PIAS4: variants seen among roughly 807,000 people sequenced by gnomAD.
PIAS4 encodes protein inhibitor of activated STAT 4.
A neutral mutation model predicts 58.0 loss-of-function variants in PIAS4; 7 were observed. The ratio of observed to expected loss-of-function variants is 0.12; its 90% CI spans 0.07 to 0.23. The LOEUF (loss-of-function observed/expected upper bound fraction) is 0.23. PIAS4 is among the 10% of genes least tolerant of loss of function. The pLI is 1.00. For missense variants in PIAS4, 550 were observed against 709.5 expected (o/e 0.78, Z 2.55); for synonymous variants, 364 against 312.4 (o/e 1.17, Z -1.74).
Position 4,036,677 on chromosome 19 carries a change from C to T in PIAS4, c.1143-697C>T, listed in dbSNP as rs555646751. On this transcript the variant is annotated intron_variant, in intron 9 of 10. Transcript: ENST00000262971. ...ACACACACATCTATACAGTCCACAC[C>T]GTCACACATCCATATAGTCCACACC... Among the ~76,000 whole-genome samples, 19 of 138,642 alleles carry T rather than the reference C, an allele frequency of 1.4e-4. No homozygotes were observed. In the East Asian group the frequency reaches 2.2e-3, roughly 16 times the overall value. The allele number at this position is 138,642 out of a possible 152,430, so 91.0% of individuals were successfully genotyped here.
chr19:4,021,256 G>A (rs1323771598), intron 2 of PIAS4, among the ~76,000 whole-genome samples: 19 of 151,884 alleles, frequency 1.3e-4, no homozygotes, highest in Admixed American at 1.2e-3. Context: ...GGGTTTAAGC[G>A]ATTCTCCTCA....
At chr19:4,024,807 C>CTTT (rs2040146107) in intron 3 of PIAS4, among the ~76,000 whole-genome samples, 1 of 151,676 alleles carries the variant, frequency 6.6e-6, no homozygotes, top group East Asian at 1.9e-4. Flanking sequence ...ATCCAGGCTT[C>CTTT]CAGGCTGGAG....
Position 4,037,011 on chromosome 19 carries a change from CCA to C in PIAS4, c.1143-357_1143-356del, listed in dbSNP as rs762420096. Among the ~76,000 whole-genome samples, 9 of 152,236 alleles carry C rather than the reference CCA, an allele frequency of 5.9e-5. No homozygotes were observed. The highest frequency in any genetic ancestry group is 1.4e-4 in the African/African-American group (6 of 41,468). On this transcript the variant is annotated intron_variant, in intron 9 of 10. Transcript: ENST00000262971. The surrounding 1 kb of genome is among the most constrained non-coding windows in gnomAD (Gnocchi z 5.8). ...CACACATGCACAGATACACTCACGT[CCA>C]CACACGCTCAAACATGCGTGCACAC...
chr19:4,028,984 G>C lies in PIAS4; in HGVS notation c.855G>C (p.Leu285=). The change falls in exon 7 of 11, where the codon CTG becomes CTC. Residue 285 remains leucine, a synonymous_variant. Transcript: ENST00000262971. ...LVRQLTSSEL[L]QRLKTIGVKH... ...GGCAGCTGACCTCATCGGAGCTGCT[G>C]CAGAGGCTGAAGACCATTGGGGTAA... 6.2e-7 allele frequency: 1 copy of C among 1,610,992 alleles called. No homozygotes were observed. The highest frequency in any genetic ancestry group is 8.5e-7 in the Non-Finnish European group (1 of 1,179,188).
rs1369763321 is a variant in PIAS4, at chr19:4,024,123, G to C, written c.539+3G>C. 6.2e-7 allele frequency: 1 copy of C among 1,608,474 alleles called. No individual in the cohort carries two copies. Among genetic ancestry groups the C allele is most frequent in the Admixed American group, 1.7e-5 (1 of 60,014 alleles). ...GTGGAGTTGATCCGGAACTCCAGGTGTGCGGCACCTCCCCCAGCCCAGCAC... is the reference window on the plus strand; with the variant it reads ...GTGGAGTTGATCCGGAACTCCAGGTCTGCGGCACCTCCCCCAGCCCAGCAC... On this transcript the variant is annotated splice_donor_region_variant and intron_variant, in intron 3 of 10. Transcript: ENST00000262971.
chr19:4,036,084 C>T (rs1260157276), intron 9 of PIAS4, among the ~76,000 whole-genome samples: 1 of 138,954 alleles, frequency 7.2e-6, no homozygotes. Flanking sequence ...CACATCCGTA[C>T]AGTCCACACC....
At position 4,038,050 on chromosome 19, in the gene PIAS4, TAAA is replaced by T; in HGVS notation, c.*183_*185del. On this transcript the variant is annotated 3_prime_UTR_variant, in exon 11 of 11. Coordinates refer to ENST00000262971, the MANE Select transcript of PIAS4 (RefSeq NM_015897.4). This position sits in a 1 kb window ranked among gnomAD's most constrained non-coding sequence, Gnocchi z 4.1. Reference sequence around the variant, plus strand: ...CCTCTGGACTCTCCTATCGGGGGATTAAAAAAAAAAGTAAAATGACAAAAAAAG... The same window carrying T: ...CCTCTGGACTCTCCTATCGGGGGATTAAAAAAAGTAAAATGACAAAAAAAG... 1 of 433,926 alleles carries T rather than the reference TAAA, an allele frequency of 2.3e-6. No homozygotes were observed. Among genetic ancestry groups the T allele is most frequent in the Non-Finnish European group, 3.9e-6 (1 of 257,828 alleles). 26.9% of individuals were successfully genotyped at this position (433,926 alleles called of 1,614,324 possible). A position where few individuals can be genotyped will look rare whatever the true frequency, so the allele number is the denominator to read the frequency against.
At chr19:4,030,720 G>A (rs914166139) in intron 7 of PIAS4, among the ~76,000 whole-genome samples, 28 of 152,280 alleles carry the variant, frequency 1.8e-4, no homozygotes, top group Admixed American at 7.2e-4. Context: ...CCTGCCTGGC[G>A]GCTGTGTGGC....
chr19:4,023,286 C>T (rs2040129132), intron 2 of PIAS4, among the ~76,000 whole-genome samples: 1 of 152,052 alleles, frequency 6.6e-6, no homozygotes, highest in African/African-American at 2.4e-5. Context: ...CGAAACCAGC[C>T]TGGCCAACAT....
chr19:4,037,519 C>G lies in PIAS4; in HGVS notation c.1273+15C>G. The G allele has an allele frequency of 6.2e-7, 1 of 1,609,206 alleles. No homozygotes were observed. The highest frequency in any genetic ancestry group is 8.5e-7 in the Non-Finnish European group (1 of 1,179,522). On this transcript the variant is annotated intron_variant, in intron 10 of 10. Coordinates refer to ENST00000262971, the MANE Select transcript of PIAS4 (RefSeq NM_015897.4). The surrounding 1 kb of genome is among the most constrained non-coding windows in gnomAD (Gnocchi z 5.8). ...CCTCGTGCTGGGTGAGTGCCTCACC[C>G]CACCAGCCGCGCAGTCCGCAGCCAG...
chr19:4,037,568 T>C lies in PIAS4; in HGVS notation c.1274-48T>C. 2 of 1,607,510 alleles carry C rather than the reference T, an allele frequency of 1.2e-6. No individual in the cohort carries two copies. The highest frequency in any genetic ancestry group is 1.7e-6 in the Non-Finnish European group (2 of 1,179,720). On this transcript the variant is annotated intron_variant, in intron 10 of 10. Transcript: ENST00000262971. The surrounding 1 kb of genome is among the most constrained non-coding windows in gnomAD (Gnocchi z 5.8). ...AGGGCCGCCTCAGTTTCCCCATTTATCAGTGGTTGCATCCTAAGTACCTGC... is the reference window on the plus strand; with the variant it reads ...AGGGCCGCCTCAGTTTCCCCATTTACCAGTGGTTGCATCCTAAGTACCTGC...
In PIAS4 at chr19:4,038,771, C is replaced by T. The variant is rs1014757062; in HGVS notation, c.*896C>T. On this transcript the variant is annotated 3_prime_UTR_variant, in exon 11 of 11. Transcript: ENST00000262971. This position sits in a 1 kb window ranked among gnomAD's most constrained non-coding sequence, Gnocchi z 4.1. ...CGGTCCTTGGGGCATGGGTTGCGGT[C>T]GCTTCCCAAGGGGCAGCAGGGACCC... 1 of 154,380 alleles carries T rather than the reference C, an allele frequency of 6.5e-6. No homozygotes were observed. 9.6% of individuals were successfully genotyped at this position (154,380 alleles called of 1,614,324 possible).
chr19:4,025,581 C>T (rs2040154969), intron 3 of PIAS4, among the ~76,000 whole-genome samples: 1 of 152,232 alleles, frequency 6.6e-6, no homozygotes, highest in Non-Finnish European at 1.5e-5. Context: ...GGCCTCCCAG[C>T]CTGGCCCTCA....
chr19:4,029,208 G>A (rs1017557107), intron 7 of PIAS4, among the ~76,000 whole-genome samples, 172 bp downstream of exon 7: 3 of 152,194 alleles, frequency 2.0e-5, no homozygotes, highest in African/African-American at 4.8e-5. Context: ...TGGAGGATAC[G>A]GATGGCAGAG....
Position 4,013,098 on chromosome 19 carries a change from A to G in PIAS4, c.203A>G (p.Lys68Arg), listed in dbSNP as rs774765388. Residue 68 changes from lysine to arginine, a missense_variant, in exon 2 of 11, where the codon AAG (lysine) becomes AGG (arginine). This residue lies in a region of PIAS4 where 95 missense variants were observed against 87.5 expected (regional missense o/e 1.09). Transcript: ENST00000262971. This position sits in a 1 kb window ranked among gnomAD's most constrained non-coding sequence, Gnocchi z 5.1. Reference protein sequence around the residue: ...IKELYETRYAKKNSEPAPQPH... With the variant: ...IKELYETRYARKNSEPAPQPH... Reference sequence around the variant, plus strand: ...GAGCTGTACGAGACCCGCTACGCCAAGAAGAACTCGGAGCCTGCCCCACAG... The same window carrying G: ...GAGCTGTACGAGACCCGCTACGCCAGGAAGAACTCGGAGCCTGCCCCACAG... The G allele has an allele frequency of 9.3e-6, 15 of 1,613,308 alleles. No individual in the cohort carries two copies. The highest frequency in any genetic ancestry group is 1.7e-5 in the Admixed American group (1 of 59,992).
chr19:4,014,895 G>T (rs1341578226), intron 2 of PIAS4, among the ~76,000 whole-genome samples: 1 of 152,152 alleles, frequency 6.6e-6, no homozygotes, highest in Admixed American at 6.5e-5. Flanking sequence ...AGGCTGGAGG[G>T]GCTGTGCTTC....
chr19:4,022,435 C>T (rs943846002), intron 2 of PIAS4, among the ~76,000 whole-genome samples: 5 of 151,972 alleles, frequency 3.3e-5, no homozygotes, highest in Non-Finnish European at 5.9e-5. Context: ...CTGCAAGCTT[C>T]GCCTCCCTGC....
At chr19:4,029,567 T>A (rs998372816) in intron 7 of PIAS4, among the ~76,000 whole-genome samples, 1 of 151,542 alleles carries the variant, frequency 6.6e-6, no homozygotes, top group Non-Finnish European at 1.5e-5. Context: ...CTTTTTTTTT[T>A]AGAGAGTCAG....
In PIAS4 at chr19:4,037,729, G is replaced by A. The variant is rs76518919; in HGVS notation, c.1387G>A (p.Ala463Thr). Residue 463 changes from alanine to threonine, a missense_variant, in exon 11 of 11, where the codon GCC becomes ACC. Physicochemically the swap from Ala to Thr is moderately conservative, Grantham distance 58 (BLOSUM62 0). Coordinates refer to ENST00000262971, the MANE Select transcript of PIAS4 (RefSeq NM_015897.4). This position sits in a 1 kb window ranked among gnomAD's most constrained non-coding sequence, Gnocchi z 5.8. The part of the protein sequence containing the change: ...VGSMENGKPG[A>T]DVVDLTLDSS... ...CAGCATGGAGAATGGGAAGCCGGGC[G>A]CCGATGTGGTGGACCTCACGCTGGA... 1.7e-3 allele frequency: 2,792 copies of A among 1,611,222 alleles called. 50 individuals carry two copies. The African/African-American group carries it at 0.034, about 19-fold the overall frequency.
Sources: allele counts gnomAD v4.1 joint callset (sites outside exome capture counted in the v4.1 genomes callset), GRCh38; gene constraint gnomAD v4.1.1; regional missense constraint gnomAD v4.1.1; non-coding constraint Gnocchi (gnomAD v3.1); transcripts MANE v1.5; gene names NCBI Gene and HGNC (gene_info 2026-07-23, HGNC 2026-07-21).